Variants in ADAMTS12 observed in about 807,000 individuals in gnomAD.
The protein encoded by ADAMTS12 is A disintegrin and metalloproteinase with thrombospondin motifs 12.
A neutral mutation model predicts 167.8 loss-of-function variants in ADAMTS12; 118 were observed. The ratio of observed to expected loss-of-function variants is 0.70; its 90% CI spans 0.61 to 0.82. The LOEUF is 0.82. ADAMTS12 is among the 40% of genes least tolerant of loss of function. The pLI, the probability that ADAMTS12 is intolerant of heterozygous loss-of-function variation, is 0.00. For missense variants in ADAMTS12, 1,916 were observed against 1,998.8 expected, an observed-to-expected ratio of 0.96 and a Z score of 0.79; for synonymous variants, 704 against 716.9, an observed-to-expected ratio of 0.98 and a Z score of 0.29.
chr5:33,730,232 T>C (rs1301585942), intron 3 of ADAMTS12, among the ~76,000 whole-genome samples: 2 of 152,150 alleles, frequency 1.3e-5, no homozygotes, highest in Non-Finnish European at 2.9e-5. Flanking sequence ...TGTGGCATTG[T>C]ATAAGTATCA....
intron 16 of ADAMTS12, among the ~76,000 whole-genome samples, chr5:33,598,782 C>A (rs140554048): frequency 1.3e-5 from 2 of 152,306 alleles, no homozygotes; most frequent in Non-Finnish European, 2.9e-5. Flanking sequence ...ACAATATTCT[C>A]CCATTCAGCG....
At position 33,778,669 on chromosome 5, in the gene ADAMTS12, T is replaced by C. The variant is rs866415705; in HGVS notation, c.490-27121A>G. ...AGCAACAAAGGTGAAAATAGAGAAA[T>C]TGGATTGCATCAAGCTGAAAAGCTT... On this transcript the variant is annotated intron_variant, in intron 2 of 23. Transcript: ENST00000504830. Among the ~76,000 whole-genome samples, 13 of 152,100 alleles carry C rather than the reference T, an allele frequency of 8.5e-5. No individual in the cohort carries two copies. The Middle Eastern group carries it at 0.014, about 159-fold the overall frequency.
intron 19 of ADAMTS12, among the ~76,000 whole-genome samples, chr5:33,563,188 G>A (rs772453787): frequency 2.0e-5 from 3 of 151,996 alleles, no homozygotes; most frequent in Non-Finnish European, 4.4e-5. Context: ...ATGTATCTAG[G>A]TAATAGAGAT....
chr5:33,681,568 T>C (rs1742115303), intron 5 of ADAMTS12, among the ~76,000 whole-genome samples: 1 of 152,186 alleles, frequency 6.6e-6, no homozygotes, highest in Non-Finnish European at 1.5e-5. Context: ...CACATTCTGG[T>C]AGAGGCTGTG....
intron 14 of ADAMTS12, among the ~76,000 whole-genome samples, chr5:33,619,467 A>C (rs1271773678): frequency 1.3e-5 from 2 of 152,078 alleles, no homozygotes; most frequent in African/African-American, 4.8e-5. Flanking sequence ...TTTCTCTTCA[A>C]GGATTTTCTT....
At chr5:33,764,320 T>C (rs959377874) in intron 2 of ADAMTS12, among the ~76,000 whole-genome samples, 1 of 152,260 alleles carries the variant, frequency 6.6e-6, no homozygotes, top group South Asian at 2.1e-4. Context: ...TATATCTGAA[T>C]ATGTCTAATA....
intron 2 of ADAMTS12, among the ~76,000 whole-genome samples, chr5:33,828,118 G>A (rs1276229751): frequency 1.3e-5 from 2 of 152,166 alleles, no homozygotes; most frequent in African/African-American, 4.8e-5. Flanking sequence ...TCAGACTTCT[G>A]TCTCAAATGG....
intron 11 of ADAMTS12, among the ~76,000 whole-genome samples, chr5:33,641,389 A>G (rs1740435834): frequency 6.6e-6 from 1 of 152,232 alleles, no homozygotes; most frequent in African/African-American, 2.4e-5. Flanking sequence ...AATTATTCTC[A>G]TAAAATTGTG....
chr5:33,672,579 A>G (rs1741749299), intron 5 of ADAMTS12, among the ~76,000 whole-genome samples: 1 of 152,202 alleles, frequency 6.6e-6, no homozygotes, highest in Non-Finnish European at 1.5e-5. Context: ...GGATCTGAAA[A>G]GCTCTACCTT....
rs753837805 is a variant in ADAMTS12 at position 33,684,060 on chromosome 5, A to G, written c.635-5T>C. 6.4e-7 allele frequency: 1 copy of G among 1,556,278 alleles called. No individual in the cohort carries two copies. Among genetic ancestry groups the G allele is most frequent in the South Asian group, 1.3e-5 (1 of 79,842 alleles). On this transcript the variant is annotated splice_polypyrimidine_tract_variant and splice_region_variant and intron_variant, in intron 3 of 23. Coordinates refer to ENST00000504830, the MANE Select transcript of ADAMTS12 (RefSeq NM_030955.4). ...TCTGGGAGATGTTAACACTGTCTAA[A>G]CAGTAAACAGAAGACAATGGTCTAA...
intron 3 of ADAMTS12, among the ~76,000 whole-genome samples, chr5:33,733,997 CTACACACA>C (rs1316624620): frequency 6.2e-5 from 7 of 112,706 alleles, no homozygotes; most frequent in Middle Eastern, 4.4e-3. Flanking sequence ...CACTTCCCCA[CTACACACA>C]CACACACACA....
chr5:33,888,184 T>C (rs1750706974), intron 1 of ADAMTS12: 1 of 152,234 alleles, frequency 6.6e-6, no homozygotes, highest in African/African-American at 2.4e-5. Flanking sequence ...ATTCTTTATA[T>C]TTATTTCTAT....
At chr5:33,874,061 A>C (rs902464734) in intron 2 of ADAMTS12, among the ~76,000 whole-genome samples, 6 of 152,218 alleles carry the variant, frequency 3.9e-5, no homozygotes, top group Non-Finnish European at 5.9e-5. Flanking sequence ...CCCATGAAAG[A>C]AATAATTGAT....
intron 2 of ADAMTS12, among the ~76,000 whole-genome samples, chr5:33,861,761 T>A (rs1749623721): frequency 6.6e-6 from 1 of 152,208 alleles, no homozygotes; most frequent in South Asian, 2.1e-4. Flanking sequence ...ATTCTAAAAT[T>A]GACCACATAA....
At chr5:33,670,986 GA>G (rs778098070) in intron 5 of ADAMTS12, among the ~76,000 whole-genome samples, 2 of 151,984 alleles carry the variant, frequency 1.3e-5, no homozygotes, top group Non-Finnish European at 2.9e-5. Flanking sequence ...GCAAAAAGGG[GA>G]AAAACTCTTG....
At chr5:33,754,257 C>T (rs1204301838) in intron 2 of ADAMTS12, among the ~76,000 whole-genome samples, 1 of 152,200 alleles carries the variant, frequency 6.6e-6, no homozygotes, top group African/African-American at 2.4e-5. Context: ...AAGGTCTGTA[C>T]CTTATCCAAA....
intron 2 of ADAMTS12, among the ~76,000 whole-genome samples, chr5:33,812,318 G>C (rs147723049): frequency 5.2e-4 from 79 of 152,254 alleles, no homozygotes; most frequent in African/African-American, 1.7e-3. Flanking sequence ...TAGTGATTGT[G>C]AGTAGGACAG....
chr5:33,628,203 TG>T (rs1410506167), intron 13 of ADAMTS12, among the ~76,000 whole-genome samples: 2 of 151,976 alleles, frequency 1.3e-5, no homozygotes, highest in East Asian at 3.9e-4. Context: ...GTCAACCAAC[TG>T]GTTACCAGGA....
At chr5:33,822,753 C>A (rs987120239) in intron 2 of ADAMTS12, among the ~76,000 whole-genome samples, 8 of 151,930 alleles carry the variant, frequency 5.3e-5, no homozygotes, top group African/African-American at 1.9e-4. Context: ...AAAATAAAAT[C>A]ATGATTCTAA....
Sources: gnomAD v4.1 joint callset for allele counts (sites outside exome capture counted in the v4.1 genomes callset) on GRCh38, gnomAD v4.1.1 for gene constraint, MANE v1.5 for transcripts, NCBI Gene and HGNC (gene_info 2026-07-23, HGNC 2026-07-21) for gene names.